The following SLC12A6 variants were observed in gnomAD, a reference collection of about 807,000 sequenced individuals.
SLC12A6 encodes solute carrier family 12 member 6.
Under a neutral mutation model 135.3 loss-of-function variants are expected in SLC12A6, and 66 were observed. That is an observed-to-expected ratio of 0.49 (90% CI 0.40 to 0.60). SLC12A6 has a LOEUF of 0.60. Among genes scored for constraint, SLC12A6 ranks in the 20% least tolerant of loss-of-function variants. The probability of loss-of-function intolerance (pLI) is 0.00; values close to 1 mark genes in which losing one functional copy is unlikely to be tolerated. For synonymous variants in SLC12A6, 513 were observed against 508.8 expected, an observed-to-expected ratio of 1.01 and a Z score of -0.11; for missense variants, 1,058 against 1,452.3, an observed-to-expected ratio of 0.73 and a Z score of 4.41.
At chr15:34,242,923 G>A (rs1891743837) in intron 16 of SLC12A6, among the ~76,000 whole-genome samples, 2 of 152,066 alleles carry the variant, frequency 1.3e-5, no homozygotes, top group Admixed American at 1.3e-4. Context: ...CCAGCTACTC[G>A]GGAGGCTGAG....
At position 34,332,500 on chromosome 15, in the gene SLC12A6, G is replaced by A. The variant is rs140375604; in HGVS notation, c.271+3910C>T. On this transcript the variant is annotated intron_variant, in intron 2 of 25. Coordinates refer to ENST00000354181, the MANE Select transcript of SLC12A6 (RefSeq NM_001365088.1). ...AAAAGGTTGAAATGTATTAGGGACTGCAGGCAGGGTGTATGGTTCACACCT... is the reference window on the plus strand; with the variant it reads ...AAAAGGTTGAAATGTATTAGGGACTACAGGCAGGGTGTATGGTTCACACCT... 9.2e-5 allele frequency among the ~76,000 whole-genome samples: 14 copies of A among 152,296 alleles called. No homozygotes were observed. In the East Asian group the frequency reaches 2.7e-3, roughly 29 times the overall value.
intron 2 of SLC12A6, among the ~76,000 whole-genome samples, chr15:34,305,511 C>G (rs1405353632): frequency 6.6e-6 from 1 of 151,052 alleles, no homozygotes; most frequent in African/African-American, 2.4e-5. Context: ...CGGGCGCCTA[C>G]TATGTGTAAG....
At chr15:34,241,010 C>A in intron 18 of SLC12A6, 181 bp from the exon 19 acceptor site, 1 of 662,584 alleles carries the variant, frequency 1.5e-6, no homozygotes, top group South Asian at 1.7e-5. Context: ...AGTACTATCT[C>A]AAGTTGATCA....
At chr15:34,261,688 T>A (rs926458636) in intron 3 of SLC12A6, among the ~76,000 whole-genome samples, 2 of 152,206 alleles carry the variant, frequency 1.3e-5, no homozygotes, top group African/African-American at 2.4e-5. Context: ...AGATGTAGTC[T>A]CCTTTACACA....
Position 34,284,277 on chromosome 15 carries a change from C to CTTTTTTT in SLC12A6, c.272-8895_272-8889dup, listed in dbSNP as rs71415558. On this transcript the variant is annotated intron_variant, in intron 2 of 25. Coordinates refer to ENST00000354181, the MANE Select transcript of SLC12A6 (RefSeq NM_001365088.1). ...CCATATTACTTTCTTTGTTTCTTTT[C>CTTTTTTT]TTTTTTTTTTTTTTTTTTTTTTTGA... Among the ~76,000 whole-genome samples the CTTTTTTT allele has an allele frequency of 1.9e-3, 173 of 92,462 alleles. 2 individuals carry two copies. Among genetic ancestry groups the CTTTTTTT allele is most frequent in the African/African-American group, 3.2e-3 (71 of 22,436 alleles). The allele number at this position is 92,462 out of a possible 152,430, so 60.7% of individuals were successfully genotyped here.
In SLC12A6 at chr15:34,258,797, T is replaced by A. The variant is rs201407969; in HGVS notation, c.543+16A>T. On this transcript the variant is annotated intron_variant, in intron 5 of 25. Transcript: ENST00000354181. ...AGGGCTCTTTCTATGTATTCCTTGTTATTCTGAGGCCTCACCTTGGTGGGC... is the reference window on the plus strand; with the variant it reads ...AGGGCTCTTTCTATGTATTCCTTGTAATTCTGAGGCCTCACCTTGGTGGGC... 1 of 1,608,156 alleles carries A rather than the reference T, an allele frequency of 6.2e-7. No individual in the cohort carries two copies. Among genetic ancestry groups the A allele is most frequent in the Non-Finnish European group, 8.5e-7 (1 of 1,174,606 alleles).
At chr15:34,235,431 ATT>A (rs371322623) in intron 24 of SLC12A6, 117 bp from the exon 25 acceptor site, 14,554 of 483,214 alleles carry the variant, frequency 0.03, no homozygotes, top group East Asian at 0.042. Context: ...TGATAAAATG[ATT>A]TTTTTTTTTT....
intron 2 of SLC12A6, among the ~76,000 whole-genome samples, chr15:34,296,963 T>G (rs1055037177): frequency 6.6e-6 from 1 of 152,224 alleles, no homozygotes; most frequent in Non-Finnish European, 1.5e-5. Flanking sequence ...AGAATCAAAT[T>G]TTTGAAAATT....
intron 2 of SLC12A6, among the ~76,000 whole-genome samples, chr15:34,323,544 G>A (rs979177686): frequency 6.6e-6 from 1 of 152,172 alleles, no homozygotes; most frequent in Non-Finnish European, 1.5e-5. Context: ...GATGATCTGA[G>A]GTGGAACAGT....
intron 21 of SLC12A6, 56 bp from the exon 22 acceptor site, chr15:34,237,606 T>C: frequency 6.8e-7 from 1 of 1,460,884 alleles, no homozygotes; most frequent in East Asian, 2.3e-5. Flanking sequence ...AAAAAGGTTA[T>C]TTCCTAAGAC....
At chr15:34,237,088 T>C (rs1026443224) in intron 22 of SLC12A6, 1 of 484,154 alleles carries the variant, frequency 2.1e-6, no homozygotes, top group African/African-American at 1.9e-5. Context: ...TTTTTTATAC[T>C]GTTAGGTTTT....
chr15:34,250,354 A>G lies in SLC12A6; in HGVS notation c.1593T>C (p.Tyr531=). ...ILAILTTSFV[Y]LSNVVLFGAC... is the part of the protein sequence containing the mutation. ...CACCAAAAAGGACAACATTGCTTAAATCTACCATATTGAGAGTCAAGGAAA... is the reference window on the plus strand; with the variant it reads ...CACCAAAAAGGACAACATTGCTTAAGTCTACCATATTGAGAGTCAAGGAAA... Residue 531 remains tyrosine (Y), a splice_region_variant and synonymous_variant, in exon 13 of 26, where the codon TAT becomes TAC. Coordinates refer to ENST00000354181, the MANE Select transcript of SLC12A6 (RefSeq NM_001365088.1). The G allele has an allele frequency of 6.3e-7, 1 of 1,582,440 alleles. No individual in the cohort carries two copies. The highest frequency in any genetic ancestry group is 8.7e-7 in the Non-Finnish European group (1 of 1,150,928).
chr15:34,237,633 T>C, intron 21 of SLC12A6, 83 bp from the exon 22 acceptor site: 1 of 1,149,904 alleles, frequency 8.7e-7, no homozygotes, highest in Non-Finnish European at 1.3e-6. Context: ...CATTGTGGTC[T>C]AGAAGAACCT....
At chr15:34,279,751 C>T (rs1894547631) in intron 2 of SLC12A6, among the ~76,000 whole-genome samples, 1 of 152,162 alleles carries the variant, frequency 6.6e-6, no homozygotes, top group African/African-American at 2.4e-5. Context: ...TAAAGCTACT[C>T]TTAGGACAAA....
chr15:34,277,131 C>T (rs1894349257), intron 2 of SLC12A6, among the ~76,000 whole-genome samples: 1 of 152,118 alleles, frequency 6.6e-6, no homozygotes, highest in African/African-American at 2.4e-5. Context: ...ATCTTACTTC[C>T]CATCTAAATA....
At chr15:34,329,261 G>A (rs1284643806) in intron 2 of SLC12A6, among the ~76,000 whole-genome samples, 1 of 152,200 alleles carries the variant, frequency 6.6e-6, no homozygotes, top group Non-Finnish European at 1.5e-5. Flanking sequence ...AGGGCACAAA[G>A]GAGTGCCTTT....
intron 17 of SLC12A6, 65 bp from the exon 18 acceptor site, chr15:34,241,402 A>C (rs1891632159): frequency 1.1e-6 from 1 of 882,754 alleles, no homozygotes; most frequent in Non-Finnish European, 1.8e-6. Flanking sequence ...TAAAAAATAA[A>C]GTTTTTTTCT....
chr15:34,270,824 CAAAAAACAAAAAAAAA>C (rs1893869176), intron 3 of SLC12A6, among the ~76,000 whole-genome samples: 3 of 125,978 alleles, frequency 2.4e-5, no homozygotes, highest in African/African-American at 8.9e-5. Context: ...CAAAACAAAA[CAAAAAACAAAAAAAAA>C]AAAAAGAGAG....
At chr15:34,245,162 T>C (rs529597663) in intron 15 of SLC12A6, 123 bp downstream of exon 15, 7 of 729,748 alleles carry the variant, frequency 9.6e-6, no homozygotes, top group Non-Finnish European at 1.8e-5. Context: ...GATTTTTATT[T>C]AAGTGAAGTT....
Sources: gnomAD v4.1 joint callset for allele counts (sites outside exome capture counted in the v4.1 genomes callset) on GRCh38, gnomAD v4.1.1 for gene constraint, MANE v1.5 for transcripts, NCBI Gene and HGNC (gene_info 2026-07-23, HGNC 2026-07-21) for gene names.